VAV3: variants seen among roughly 807,000 people sequenced by gnomAD.
VAV3 encodes guanine nucleotide exchange factor VAV3.
Under a neutral mutation model 131.2 loss-of-function variants are expected in VAV3, and 94 were observed. The ratio of observed to expected loss-of-function variants is 0.72; its 90% CI spans 0.61 to 0.85. VAV3 has a LOEUF of 0.85. Among genes scored for constraint, VAV3 ranks in the 40% least tolerant of loss-of-function variants. The pLI, the probability that VAV3 is intolerant of heterozygous loss-of-function variation, is 0.00. For missense variants in VAV3, 939 were observed against 1,002.7 expected (o/e 0.94, Z 0.86); for synonymous variants, 349 against 342.0 (o/e 1.02, Z -0.22).
At chr1:107,715,689 C>A (rs1340663608) in intron 15 of VAV3, among the ~76,000 whole-genome samples, 1 of 152,192 alleles carries the variant, frequency 6.6e-6, no homozygotes, top group Admixed American at 6.5e-5. Flanking sequence ...TCTCTTATCA[C>A]TGAACGGGGG....
chr1:107,698,989 G>A (rs143482274), intron 17 of VAV3, among the ~76,000 whole-genome samples: 3 of 152,110 alleles, frequency 2.0e-5, no homozygotes, highest in Non-Finnish European at 2.9e-5. Context: ...TTCGAGATGA[G>A]ATTTGGGTGC....
At chr1:107,768,637 T>C in intron 6 of VAV3, 128 bp from the exon 7 acceptor site, 2 of 599,170 alleles carry the variant, frequency 3.3e-6, no homozygotes, top group South Asian at 2.9e-5. Context: ...AACACCAAAA[T>C]TGTAGAAACT....
chr1:107,707,645 T>C (rs987299550), intron 15 of VAV3, among the ~76,000 whole-genome samples: 3 of 152,202 alleles, frequency 2.0e-5, no homozygotes, highest in Admixed American at 6.5e-5. Flanking sequence ...TCAGTGTCCT[T>C]GGGACTAGGA....
chr1:107,856,532 TA>T (rs147021937), intron 2 of VAV3, among the ~76,000 whole-genome samples: 1,588 of 150,040 alleles, frequency 0.011, 13 homozygotes, highest in Admixed American at 0.024. Flanking sequence ...ACCGAAATAT[TA>T]AAAAAAAAAT....
At chr1:107,860,254 G>T (rs1397757884) in intron 2 of VAV3, among the ~76,000 whole-genome samples, 1 of 151,992 alleles carries the variant, frequency 6.6e-6, no homozygotes. Context: ...CCAAGTACCT[G>T]GGACTACACA....
chr1:107,661,868 T>C (rs906030425), intron 19 of VAV3, among the ~76,000 whole-genome samples: 5 of 152,180 alleles, frequency 3.3e-5, no homozygotes, highest in African/African-American at 1.2e-4. Context: ...ATATCTAACA[T>C]GTTACAGGAC....
At position 107,683,424 on chromosome 1, in the gene VAV3, C is replaced by A. The variant is rs923591220; in HGVS notation, c.1777+64G>T. ...ATATGCCTCACTTTCCACAGCAATTCCCATATCCTTTCATAAGCACTTAGC... is the reference window on the plus strand; with the variant it reads ...ATATGCCTCACTTTCCACAGCAATTACCATATCCTTTCATAAGCACTTAGC... On this transcript the variant is annotated intron_variant, in intron 19 of 26. Coordinates refer to ENST00000370056, the MANE Select transcript of VAV3 (RefSeq NM_006113.5). 15 of 1,579,564 alleles carry A rather than the reference C, an allele frequency of 9.5e-6. No homozygotes were observed. The African/African-American group carries it at 1.6e-4, about 17-fold the overall frequency.
intron 2 of VAV3, among the ~76,000 whole-genome samples, chr1:107,836,122 C>T (rs1451561647): frequency 1.3e-5 from 2 of 152,160 alleles, no homozygotes; most frequent in East Asian, 1.9e-4. Flanking sequence ...GACAGATCAT[C>T]GAGGCAGAAA....
chr1:107,687,725 G>A (rs1659133648), intron 18 of VAV3, among the ~76,000 whole-genome samples: 2 of 152,148 alleles, frequency 1.3e-5, no homozygotes, highest in African/African-American at 4.8e-5. Flanking sequence ...CAACAGGAAA[G>A]TATTTAATGA....
At chr1:107,903,455 G>C (rs1052078844) in intron 1 of VAV3, among the ~76,000 whole-genome samples, 3 of 152,120 alleles carry the variant, frequency 2.0e-5, no homozygotes, top group African/African-American at 7.2e-5. Flanking sequence ...GAGGGCTGTG[G>C]CAGCAGAGAG....
intron 13 of VAV3, 148 bp from the exon 14 acceptor site, chr1:107,749,742 G>A (rs567125188): frequency 4.5e-6 from 4 of 889,672 alleles, no homozygotes; most frequent in Non-Finnish European, 6.6e-6. Flanking sequence ...GGTATTTGAG[G>A]TTATAAGAAC....
intron 2 of VAV3, among the ~76,000 whole-genome samples, chr1:107,796,276 T>G (rs1353564618): frequency 1.3e-5 from 2 of 152,118 alleles, no homozygotes. Context: ...ATCTCTAAAC[T>G]GAGTGGCATG....
intron 15 of VAV3, among the ~76,000 whole-genome samples, chr1:107,724,657 C>T (rs1460001166): frequency 1.3e-5 from 2 of 152,118 alleles, no homozygotes; most frequent in Non-Finnish European, 2.9e-5. Context: ...GGCATAGCTG[C>T]TTTCAATCTG....
chr1:107,821,655 C>T (rs1386868000), intron 2 of VAV3, among the ~76,000 whole-genome samples: 1 of 152,156 alleles, frequency 6.6e-6, no homozygotes, highest in Admixed American at 6.5e-5. Context: ...GGGGCCAGGA[C>T]ATGCATGGAA....
rs893645670 is a variant in VAV3, at chr1:107,964,724, T to G, written c.146A>C (p.Asn49Thr). The change falls in exon 1 of 27, where the codon AAC becomes ACC. Residue 49 changes from asparagine (N) to threonine (T), a missense_variant. By Grantham distance (65) the Asn-to-Thr change is moderately conservative. Transcript: ENST00000370056. ...CAGGTTGATGGAGTGCGCCCGGAGGTTGTTAAGCAGCTGGCAGAGCAGGAC... is the reference window on the plus strand; with the variant it reads ...CAGGTTGATGGAGTGCGCCCGGAGGGTGTTAAGCAGCTGGCAGAGCAGGAC... ...DGVLLCQLLN[N>T]LRAHSINLKE... is the part of the protein sequence containing the mutation. 6.2e-7 allele frequency: 1 copy of G among 1,613,726 alleles called. No homozygotes were observed. Among genetic ancestry groups the G allele is most frequent in the Non-Finnish European group, 8.5e-7 (1 of 1,179,928 alleles).
chr1:107,849,517 G>A (rs1235677684), intron 2 of VAV3, among the ~76,000 whole-genome samples: 4 of 151,988 alleles, frequency 2.6e-5, no homozygotes, highest in African/African-American at 9.7e-5. Flanking sequence ...GGGAAAACTG[G>A]CTAACCATAT....
At chr1:107,697,255 T>C (rs1347622415) in intron 17 of VAV3, among the ~76,000 whole-genome samples, 1 of 151,894 alleles carries the variant, frequency 6.6e-6, no homozygotes, top group East Asian at 1.9e-4. Context: ...CAAACCCCGA[T>C]CTGAGAGTAA....
Position 107,602,498 on chromosome 1 carries a change from A to C in VAV3, c.2133-14T>G. On this transcript the variant is annotated splice_polypyrimidine_tract_variant and intron_variant, in intron 23 of 26. Coordinates refer to ENST00000370056, the MANE Select transcript of VAV3 (RefSeq NM_006113.5). ...TCATTATTGTACCTGTGGGCAATGAATAACTTATGAATATAAATGTGTTTT... is the reference window on the plus strand; with the variant it reads ...TCATTATTGTACCTGTGGGCAATGACTAACTTATGAATATAAATGTGTTTT... The C allele has an allele frequency of 6.5e-7, 1 of 1,544,188 alleles. No individual in the cohort carries two copies. The highest frequency in any genetic ancestry group is 1.2e-5 in the South Asian group (1 of 81,922).
chr1:107,844,992 C>T (rs1017590067), intron 2 of VAV3, among the ~76,000 whole-genome samples: 2 of 152,188 alleles, frequency 1.3e-5, no homozygotes, highest in Admixed American at 1.3e-4. Context: ...GGTCCCTGAC[C>T]CCTGTGCCTC....
Sources: gnomAD v4.1 joint callset for allele counts (sites outside exome capture counted in the v4.1 genomes callset) on GRCh38, gnomAD v4.1.1 for gene constraint, MANE v1.5 for transcripts, NCBI Gene and HGNC (gene_info 2026-07-23, HGNC 2026-07-21) for gene names.